The following SFI1 variants were observed in gnomAD, a reference collection of about 807,000 sequenced individuals.
SFI1 encodes SFI1 centrin binding protein, also known as protein SFI1 homolog.
Under a neutral mutation model 207.5 loss-of-function variants are expected in SFI1, and 195 were observed. That is an observed-to-expected ratio of 0.94 (90% confidence interval 0.84 to 1.06). SFI1 has a LOEUF of 1.06. Ranked by LOEUF, SFI1 falls within the 50% of genes least tolerant of loss-of-function variation. SFI1 has a pLI of 0.00. For synonymous variants in SFI1, 630 were observed against 598.9 expected, an observed-to-expected ratio of 1.05 and a Z score of -0.76; for missense variants, 1,634 against 1,588.0, an observed-to-expected ratio of 1.03 and a Z score of -0.49.
chr22:31,591,509 G>A (rs1450047201), intron 15 of SFI1, among the ~76,000 whole-genome samples: 1 of 150,884 alleles, frequency 6.6e-6, no homozygotes, highest in East Asian at 2.0e-4. Flanking sequence ...GGTGGTGGCC[G>A]GGCAGAGGGG....
At chr22:31,605,840 CCT>C (rs2068873723) in intron 20 of SFI1, 1 of 154,674 alleles carries the variant, frequency 6.5e-6, no homozygotes, top group African/African-American at 2.4e-5. Context: ...GGAGTGAGAC[CCT>C]GTCTCTCAAA....
At chr22:31,606,598 G>T in intron 21 of SFI1, 168 bp downstream of exon 21, 3 of 491,740 alleles carry the variant, frequency 6.1e-6, no homozygotes, top group Non-Finnish European at 1.1e-5. Context: ...CACATGTTTA[G>T]TTTTTTACTG....
At chr22:31,559,852 C>T in intron 7 of SFI1, 3 of 686,050 alleles carry the variant, frequency 4.4e-6, no homozygotes, top group South Asian at 2.8e-5. Flanking sequence ...GAGGACCGCA[C>T]CACTTCTGGG....
intron 8 of SFI1, among the ~76,000 whole-genome samples, chr22:31,566,314 A>G (rs1166428056): frequency 6.6e-6 from 1 of 151,796 alleles, no homozygotes; most frequent in Non-Finnish European, 1.5e-5. Context: ...GGCTGTCTTG[A>G]ACTCCTTACC....
chr22:31,530,212 C>T (rs548970045), intron 3 of SFI1, among the ~76,000 whole-genome samples: 5 of 127,114 alleles, frequency 3.9e-5, no homozygotes, highest in East Asian at 2.3e-4. Context: ...AAGACAAGGC[C>T]GGGCGCGGTG....
intron 8 of SFI1, among the ~76,000 whole-genome samples, chr22:31,568,221 TATATA>T (rs2062577592): frequency 1.5e-5 from 2 of 129,882 alleles, no homozygotes; most frequent in African/African-American, 6.0e-5. Context: ...TATATATATA[TATATA>T]TTTTTTTTTT....
chr22:31,584,612 A>G (rs1185540746), intron 13 of SFI1, among the ~76,000 whole-genome samples: 5 of 152,166 alleles, frequency 3.3e-5, no homozygotes, highest in Non-Finnish European at 5.9e-5. Flanking sequence ...GTTTAGCTCC[A>G]ATTTTGAAGC....
At chr22:31,614,539 C>G (rs373215127) in intron 27 of SFI1, 4 of 676,600 alleles carry the variant, frequency 5.9e-6, no homozygotes, top group Non-Finnish European at 2.7e-6. Flanking sequence ...GACCTGTACA[C>G]CAGCGTCACC....
At chr22:31,593,991 G>GGAGAGC (rs1337159450) in intron 15 of SFI1, among the ~76,000 whole-genome samples, 1 of 69,066 alleles carries the variant, frequency 1.4e-5, no homozygotes, top group Non-Finnish European at 4.0e-5. Flanking sequence ...CGGAGACGAG[G>GGAGAGC]GAGAGGGAGA....
intron 31 of SFI1, among the ~76,000 whole-genome samples, chr22:31,617,369 C>CT (rs1254072083): frequency 1.3e-5 from 2 of 152,052 alleles, no homozygotes; most frequent in South Asian, 2.1e-4. Flanking sequence ...GAGCAAAACT[C>CT]TAAAAACCCG....
chr22:31,534,292 C>T (rs774272496), intron 4 of SFI1, among the ~76,000 whole-genome samples: 4 of 152,058 alleles, frequency 2.6e-5, no homozygotes, highest in Non-Finnish European at 5.9e-5. Context: ...TGTGCCCAGC[C>T]TATTATTCTC....
intron 2 of SFI1, among the ~76,000 whole-genome samples, chr22:31,525,257 C>T (rs574654170): frequency 3.2e-3 from 480 of 152,190 alleles, no homozygotes; most frequent in African/African-American, 0.011. Context: ...TATTTCTTCT[C>T]GTAGCTTTCT....
At chr22:31,601,962 T>TA (rs1440019769) in intron 15 of SFI1, among the ~76,000 whole-genome samples, 1 of 139,854 alleles carries the variant, frequency 7.2e-6, no homozygotes. Flanking sequence ...CCAGCAATTT[T>TA]AAAATTTTTT....
At chr22:31,583,827 T>G (rs1436217388) in intron 12 of SFI1, 48 bp from the exon 13 acceptor site, 7 of 1,537,820 alleles carry the variant, frequency 4.6e-6, no homozygotes, top group Admixed American at 3.3e-5. Context: ...ATTCACTGTT[T>G]TACCTTTCAT....
intron 15 of SFI1, among the ~76,000 whole-genome samples, chr22:31,596,351 A>G (rs975783267): frequency 6.6e-6 from 1 of 152,132 alleles, no homozygotes; most frequent in Non-Finnish European, 1.5e-5. Context: ...CTTCCTTAGT[A>G]CGAAGTCCAG....
intron 5 of SFI1, among the ~76,000 whole-genome samples, chr22:31,547,468 G>A (rs558420403): frequency 1.3e-5 from 2 of 152,074 alleles, no homozygotes; most frequent in African/African-American, 4.8e-5. Flanking sequence ...GTGCCATCAC[G>A]CCTGGCTAAT....
intron 12 of SFI1, 45 bp from the exon 13 acceptor site, chr22:31,583,830 C>A: frequency 6.5e-7 from 1 of 1,539,724 alleles, no homozygotes; most frequent in Non-Finnish European, 9.0e-7. Context: ...CACTGTTTTA[C>A]CTTTCATCTC....
chr22:31,561,253 T>TA lies in SFI1; in HGVS notation c.663-36dup, dbSNP rs756558103. 1.9e-4 allele frequency: 297 copies of TA among 1,598,702 alleles called. 4 individuals are homozygous for TA. In the South Asian group the frequency reaches 3.2e-3, roughly 17 times the overall value. On this transcript the variant is annotated intron_variant, in intron 7 of 32. Coordinates refer to ENST00000400288, the MANE Select transcript of SFI1 (RefSeq NM_001007467.3). The stretch of plus-strand genomic sequence containing the variant: ...CTCCTCTCTTTCCTGAGTGGCTTTT[T>TA]ACTGATGGATTCCATCTTTGATTTG...
At chr22:31,617,747 C>G (rs1327952649) in intron 31 of SFI1, among the ~76,000 whole-genome samples, 1 of 151,666 alleles carries the variant, frequency 6.6e-6, no homozygotes, top group Non-Finnish European at 1.5e-5. Context: ...GCAGAGGAGA[C>G]AGGCCCGTGA....
Sources: gnomAD v4.1 joint callset for allele counts (sites outside exome capture counted in the v4.1 genomes callset) on GRCh38, gnomAD v4.1.1 for gene constraint, MANE v1.5 for transcripts, NCBI Gene and HGNC (gene_info 2026-07-23, HGNC 2026-07-21) for gene names.